Variants in PTH2R observed in about 807,000 individuals in gnomAD.
PTH2R encodes the protein parathyroid hormone 2 receptor.
PTH2R carries 59 observed loss-of-function variants against 60.3 expected under a neutral mutation model. The ratio of observed to expected loss-of-function variants is 0.98; its 90% CI spans 0.79 to 1.22. The LOEUF is 1.22. PTH2R is among the 50% of genes most tolerant of loss of function. The pLI is 0.00. For synonymous variants in PTH2R, 256 were observed against 243.8 expected, an observed-to-expected ratio of 1.05 and a Z score of -0.47; for missense variants, 749 against 682.6, an observed-to-expected ratio of 1.10 and a Z score of -1.08.
At chr2:208,426,903 G>A (rs1361902413) in intron 1 of PTH2R, among the ~76,000 whole-genome samples, 1 of 152,146 alleles carries the variant, frequency 6.6e-6, no homozygotes, top group Non-Finnish European at 1.5e-5. Flanking sequence ...TTGTGATTTA[G>A]CACATTCTGA....
At chr2:208,424,857 T>C (rs937726617) in intron 1 of PTH2R, among the ~76,000 whole-genome samples, 1 of 152,146 alleles carries the variant, frequency 6.6e-6, no homozygotes, top group African/African-American at 2.4e-5. Flanking sequence ...TTCTATAGAA[T>C]TGGGGCAGGA....
chr2:208,486,020 C>T (rs570763539), intron 10 of PTH2R, among the ~76,000 whole-genome samples: 13 of 152,100 alleles, frequency 8.5e-5, no homozygotes, highest in Non-Finnish European at 1.2e-4. Context: ...AAAACAGCCC[C>T]GCAACTGCAA....
chr2:208,439,211 T>G (rs1211945187), intron 4 of PTH2R, among the ~76,000 whole-genome samples: 1 of 152,144 alleles, frequency 6.6e-6, no homozygotes, highest in Non-Finnish European at 1.5e-5. Context: ...GTGATTACTG[T>G]GTATTTTAAG....
chr2:208,398,772 G>T (rs1047013808), intron 1 of PTH2R, among the ~76,000 whole-genome samples: 3 of 152,156 alleles, frequency 2.0e-5, no homozygotes, highest in Admixed American at 6.5e-5. Flanking sequence ...GAAAAGAGTT[G>T]TCTGTATCTC....
At chr2:208,387,526 A>T (rs1023828728) in intron 1 of PTH2R, among the ~76,000 whole-genome samples, 25 of 152,264 alleles carry the variant, frequency 1.6e-4, no homozygotes, top group African/African-American at 5.5e-4. Context: ...TGTTGCTTTG[A>T]TTCCCTTAGG....
intron 1 of PTH2R, among the ~76,000 whole-genome samples, chr2:208,388,139 C>CCT (rs966846910): frequency 6.7e-6 from 1 of 149,444 alleles, no homozygotes; most frequent in Non-Finnish European, 1.5e-5. Flanking sequence ...GAAACCCCCC[C>CCT]CCCCGTCTCT....
chr2:208,369,779 C>T (rs1346649243), intron 1 of PTH2R, among the ~76,000 whole-genome samples: 1 of 152,078 alleles, frequency 6.6e-6, no homozygotes, highest in Admixed American at 6.5e-5. Context: ...ATGCTAGCCA[C>T]ATTACAACTG....
intron 9 of PTH2R, among the ~76,000 whole-genome samples, chr2:208,477,967 CTAG>C (rs1255509817): frequency 2.5e-4 from 7 of 27,980 alleles, no homozygotes; most frequent in African/African-American, 4.5e-4. Context: ...ACTACTAGTA[CTAG>C]TACTACTAGC....
chr2:208,487,397 G>A (rs931350535), intron 10 of PTH2R, among the ~76,000 whole-genome samples: 1 of 152,066 alleles, frequency 6.6e-6, no homozygotes, highest in Admixed American at 6.6e-5. Context: ...AAAGGAAGAG[G>A]GTCAATTGTT....
At chr2:208,421,308 G>C (rs550086236) in intron 1 of PTH2R, among the ~76,000 whole-genome samples, 11 of 152,140 alleles carry the variant, frequency 7.2e-5, no homozygotes, top group African/African-American at 2.6e-4. Context: ...GTTTGAATTA[G>C]AGTTCATTAT....
At chr2:208,421,244 G>A (rs144943019) in intron 1 of PTH2R, among the ~76,000 whole-genome samples, 167 of 152,032 alleles carry the variant, frequency 1.1e-3, no homozygotes, top group Non-Finnish European at 1.9e-3. Context: ...TAGGGTCGTG[G>A]GGATTTTTAG....
chr2:208,392,742 G>C (rs1366499694), intron 1 of PTH2R, among the ~76,000 whole-genome samples: 1 of 152,202 alleles, frequency 6.6e-6, no homozygotes, highest in Non-Finnish European at 1.5e-5. Context: ...GATTACAGAG[G>C]AGAAGAGAGA....
chr2:208,443,443 A>C lies in PTH2R; in HGVS notation c.605A>C (p.His202Pro), dbSNP rs749612237. The C allele has an allele frequency of 6.2e-7, 1 of 1,613,912 alleles. No homozygotes were observed. The highest frequency in any genetic ancestry group is 8.5e-7 in the Non-Finnish European group (1 of 1,179,852). ...ATCTTTGTCAAAGACAGAGTAGTCC[A>C]TGCTCACATAGGAGTAAAGGAGCTG... ...TSIFVKDRVVHAHIGVKELES... is the reference protein window; with the variant it reads ...TSIFVKDRVVPAHIGVKELES... Residue 202 changes from histidine (H) to proline (P), a missense_variant, in exon 6 of 13, where the codon CAT (histidine) becomes CCT (proline). His to Pro is a moderately conservative substitution (Grantham distance 77, BLOSUM62 -2). Coordinates refer to ENST00000272847, the MANE Select transcript of PTH2R (RefSeq NM_005048.4).
At chr2:208,453,411 A>G (rs1702447584) in intron 8 of PTH2R, among the ~76,000 whole-genome samples, 1 of 152,182 alleles carries the variant, frequency 6.6e-6, no homozygotes. Flanking sequence ...TACCATATAA[A>G]TCTTCCTTAT....
Position 208,490,620 on chromosome 2 carries a change from CTT to C in PTH2R, c.1216-17_1216-16del. ...AGTTTCTGAGTTGGCAGTGGGCTGA[CTT>C]TCTCTTTTGTCTGCAGGGTTTCTTT... is the stretch of plus-strand genomic sequence containing the variant. On this transcript the variant is annotated splice_polypyrimidine_tract_variant and intron_variant, in intron 11 of 12. Coordinates refer to ENST00000272847, the MANE Select transcript of PTH2R (RefSeq NM_005048.4). The C allele has an allele frequency of 6.2e-7, 1 of 1,604,228 alleles. No individual in the cohort carries two copies. Among genetic ancestry groups the C allele is most frequent in the Non-Finnish European group, 8.5e-7 (1 of 1,177,850 alleles).
intron 1 of PTH2R, among the ~76,000 whole-genome samples, chr2:208,364,287 G>T (rs1026403235): frequency 6.6e-6 from 1 of 152,050 alleles, no homozygotes; most frequent in African/African-American, 2.4e-5. Flanking sequence ...CAAGAATGTG[G>T]AATGTGTCAT....
chr2:208,467,484 G>C (rs905078606), intron 9 of PTH2R, among the ~76,000 whole-genome samples: 3 of 152,140 alleles, frequency 2.0e-5, no homozygotes, highest in Non-Finnish European at 4.4e-5. Flanking sequence ...TAGCCAAGCA[G>C]TTACAACTCA....
chr2:208,491,071 A>G (rs903462035), intron 12 of PTH2R, among the ~76,000 whole-genome samples: 3 of 152,196 alleles, frequency 2.0e-5, no homozygotes, highest in Admixed American at 2.0e-4. Flanking sequence ...GAACTATAAG[A>G]TGATGATGGG....
chr2:208,439,531 GA>G (rs1293235886), intron 4 of PTH2R, among the ~76,000 whole-genome samples: 2 of 151,692 alleles, frequency 1.3e-5, no homozygotes, highest in Non-Finnish European at 2.9e-5. Context: ...TATAAGGAAG[GA>G]AAGGCAAAAA....
Sources: allele counts gnomAD v4.1 joint callset (sites outside exome capture counted in the v4.1 genomes callset), GRCh38; gene constraint gnomAD v4.1.1; transcripts MANE v1.5; gene names NCBI Gene and HGNC (gene_info 2026-07-23, HGNC 2026-07-21).